DDX49: variants seen among roughly 807,000 people sequenced by gnomAD.
DDX49 encodes DEAD-box helicase 49.
Under a neutral mutation model 56.3 loss-of-function variants are expected in DDX49, and 50 were observed. That is an observed-to-expected ratio of 0.89 (90% CI 0.71 to 1.12). The LOEUF is 1.12. Among genes scored for constraint, DDX49 ranks in the 50% most tolerant of loss-of-function variants. DDX49 has a pLI of 0.00. For missense variants in DDX49, 614 were observed against 650.5 expected (o/e 0.94, Z 0.61); for synonymous variants, 269 against 270.6 (o/e 0.99, Z 0.06).
In DDX49 at chr19:18,922,430, G is replaced by A. The variant is rs569034161; in HGVS notation, c.552G>A (p.Leu184=). 2.1e-5 allele frequency: 33 copies of A among 1,607,510 alleles called. No homozygotes were observed. Among genetic ancestry groups the A allele is most frequent in the African/African-American group, 1.9e-4 (14 of 75,048 alleles). The change falls in exon 5 of 13, where the codon CTG becomes CTA. Residue 184 remains leucine (L), a synonymous_variant. Transcript: ENST00000247003. ...TGCCGGCCCGCAGGCAGACACTGCTGTTCAGCGCCACGCTGACCGACACAC... is the reference window on the plus strand; with the variant it reads ...TGCCGGCCCGCAGGCAGACACTGCTATTCAGCGCCACGCTGACCGACACAC... ...AAVPARRQTL[L]FSATLTDTLR...
At chr19:18,926,977 G>A (rs780700334) in intron 10 of DDX49, among the ~76,000 whole-genome samples, 1 of 150,998 alleles carries the variant, frequency 6.6e-6, no homozygotes, top group Non-Finnish European at 1.5e-5. Context: ...GGAGGGTGAG[G>A]CATGAGAATT....
Position 18,928,219 on chromosome 19 carries a change from A to T in DDX49, c.1355A>T (p.Lys452Met). 6.3e-7 allele frequency: 1 copy of T among 1,587,358 alleles called. No individual in the cohort carries two copies. The highest frequency in any genetic ancestry group is 8.6e-7 in the Non-Finnish European group (1 of 1,166,900). Residue 452 changes from lysine (K) to methionine (M), a missense_variant, in exon 13 of 13, where the codon AAG becomes ATG. By Grantham distance (95) the Lys-to-Met change is moderately conservative. Coordinates refer to ENST00000247003, the MANE Select transcript of DDX49 (RefSeq NM_019070.5). ...RFKEKVEETL[K>M]RQKAGRAGHK... is the part of the protein sequence containing the mutation. ...AAGGAGAAGGTGGAGGAGACGCTGA[A>T]GCGACAGAAGGCTGGCAGGGCTGGC...
chr19:18,925,057 G>A, intron 9 of DDX49, 78 bp downstream of exon 9: 1 of 1,511,780 alleles, frequency 6.6e-7, no homozygotes, highest in Non-Finnish European at 8.8e-7. Context: ...GGTAGGACGT[G>A]GGTAGGGTGC....
rs1303866360 is a variant in DDX49, at chr19:18,922,835, A to G, written c.776+91A>G. 2.0e-6 allele frequency: 3 copies of G among 1,493,668 alleles called. No individual in the cohort carries two copies. In the Admixed American group the frequency reaches 5.3e-5, roughly 26 times the overall value. 92.5% of individuals were successfully genotyped at this position (1,493,668 alleles called of 1,614,324 possible). A position where few individuals can be genotyped will look rare whatever the true frequency, so the allele number is the denominator to read the frequency against. ...TCTGGGACACACAGCCAGTCTCAGC[A>G]CTCCCCAGCCTCTGCTCAGCCTGGA... is the stretch of plus-strand genomic sequence containing the variant. On this transcript the variant is annotated intron_variant, in intron 6 of 12. Transcript: ENST00000247003.
intron 1 of DDX49, 80 bp downstream of exon 1, chr19:18,919,936 T>A: frequency 8.5e-7 from 1 of 1,174,758 alleles, no homozygotes. Flanking sequence ...CTTTGCTTAT[T>A]CCGGTCCCAC....
intron 6 of DDX49, 69 bp downstream of exon 6, chr19:18,922,813 G>C: frequency 6.4e-7 from 1 of 1,561,614 alleles, no homozygotes; most frequent in Non-Finnish European, 8.7e-7. Flanking sequence ...TCTTTGGTCT[G>C]GGACACACAG....
rs776765244 is a variant in DDX49 at position 18,928,021 on chromosome 19, G to A, written c.1248G>A (p.Leu416=). 4 of 1,613,776 alleles carry A rather than the reference G, an allele frequency of 2.5e-6. No homozygotes were observed. The South Asian group carries it at 4.4e-5, about 18-fold the overall frequency. Residue 416 remains leucine (L), a synonymous_variant, in exon 12 of 13, where the codon CTG becomes CTA. Transcript: ENST00000247003. ...EKKEINKRKQ[L]ILEGKDPDLE... ...AGGAGATCAACAAACGGAAGCAGCT[G>A]ATCCTGGAGGGGAAGGTGAGGGCCG...
intron 9 of DDX49, 189 bp downstream of exon 9, chr19:18,925,168 A>G: frequency 1.1e-6 from 1 of 877,778 alleles, no homozygotes; most frequent in African/African-American, 1.7e-5. Context: ...CTGAGGCAAG[A>G]AGATCACTTG....
chr19:18,924,514 C>T, intron 7 of DDX49, 109 bp from the exon 8 acceptor site: 2 of 1,310,540 alleles, frequency 1.5e-6, no homozygotes, highest in Non-Finnish European at 1.1e-6. Context: ...TCATGGCCAC[C>T]TTCCTCAATG....
chr19:18,924,308 G>A lies in DDX49; in HGVS notation c.852G>A (p.Gln284=). The A allele has an allele frequency of 1.2e-6, 2 of 1,612,488 alleles. No individual in the cohort carries two copies. The highest frequency in any genetic ancestry group is 8.5e-7 in the Non-Finnish European group (1 of 1,179,710). Reference sequence around the variant, plus strand: ...TGGCTCTGCACTCCATGATGAAGCAGGTGAGGCCACCCTGGGGCCCGCCAG... The same window carrying A: ...TGGCTCTGCACTCCATGATGAAGCAAGTGAGGCCACCCTGGGGCCCGCCAG... ...PTVALHSMMK[Q]KERFAALAKF... The change falls in exon 7 of 13, where the codon CAG becomes CAA. Residue 284 remains glutamine, a splice_region_variant and synonymous_variant. Transcript: ENST00000247003.
Position 18,924,240 on chromosome 19 carries a change from C to G in DDX49, c.784C>G (p.Gln262Glu). 6.2e-7 allele frequency: 1 copy of G among 1,614,000 alleles called. No individual in the cohort carries two copies. The highest frequency in any genetic ancestry group is 8.5e-7 in the Non-Finnish European group (1 of 1,180,018). ...GCACATCCTTCCCGCCAGGACCTGC[C>G]AGATTCTGTGCATGATGCTGCGCAA... is the stretch of plus-strand genomic sequence containing the variant. ...IIFTNTCKTC[Q>E]ILCMMLRKFS... is the part of the protein sequence containing the mutation. Residue 262 changes from glutamine to glutamate, a missense_variant, in exon 7 of 13, where the codon CAG becomes GAG. By Grantham distance (29) the Gln-to-Glu change is conservative. Transcript: ENST00000247003.
Position 18,928,549 on chromosome 19 carries a change from G to A in DDX49, c.*233G>A, listed in dbSNP as rs2056985017. 1 of 532,192 alleles carries A rather than the reference G, an allele frequency of 1.9e-6. No individual in the cohort carries two copies. The highest frequency in any genetic ancestry group is 3.3e-6 in the Non-Finnish European group (1 of 306,046). The allele number at this position is 532,192 out of a possible 1,614,324, so 33.0% of individuals were successfully genotyped here. ...AGGGGAAGAAAGAACATGACCGGGA[G>A]GTTGTGACCCCAACCCAAGGTCACC... On this transcript the variant is annotated 3_prime_UTR_variant, in exon 13 of 13. Coordinates refer to ENST00000247003, the MANE Select transcript of DDX49 (RefSeq NM_019070.5).
chr19:18,920,611 C>A lies in DDX49; in HGVS notation c.147C>A (p.Gly49=). The A allele has an allele frequency of 6.2e-7, 1 of 1,610,660 alleles. No individual in the cohort carries two copies. Among genetic ancestry groups the A allele is most frequent in the Non-Finnish European group, 8.5e-7 (1 of 1,177,100 alleles). The part of the protein sequence containing the change: ...GRDCLGCAKT[G]SGKTAAFVLP... ...ACTGCTTGGGCTGTGCTAAGACAGG[C>A]AGTGGGAAGACAGCAGCGTTTGTCC... Residue 49 remains glycine, a synonymous_variant, in exon 2 of 13, where the codon GGC becomes GGA. Transcript: ENST00000247003.
At chr19:18,920,881 C>G (rs906854580) in intron 2 of DDX49, 178 bp downstream of exon 2, 12 of 528,632 alleles carry the variant, frequency 2.3e-5, no homozygotes, top group Non-Finnish European at 3.8e-5. Context: ...TGGCTCACAC[C>G]TGTAATCCCA....
At chr19:18,925,566 ATAAAC>A (rs1191466093) in intron 9 of DDX49, among the ~76,000 whole-genome samples, 1 of 152,226 alleles carries the variant, frequency 6.6e-6, no homozygotes, top group African/African-American at 2.4e-5. Context: ...AAAAATAATA[ATAAAC>A]TAAAATAAGT....
rs776563172 is a variant in DDX49 at position 18,919,871 on chromosome 19, G to A, written c.115+15G>A. The stretch of plus-strand genomic sequence containing the variant: ...CATCCTGGAGGGTGAGTATGGCCCA[G>A]GGCCTTCCCCAAGAGGCCTCTCCGC... On this transcript the variant is annotated intron_variant, in intron 1 of 12. Transcript: ENST00000247003. 63 of 1,559,430 alleles carry A rather than the reference G, an allele frequency of 4.0e-5. No homozygotes were observed. Among genetic ancestry groups the A allele is most frequent in the Non-Finnish European group, 5.4e-5 (61 of 1,140,122 alleles).
At chr19:18,924,057 C>T (rs930086770) in intron 6 of DDX49, among the ~76,000 whole-genome samples, 176 bp from the exon 7 acceptor site, 26 of 152,122 alleles carry the variant, frequency 1.7e-4, no homozygotes, top group Admixed American at 1.7e-3. Context: ...ATCCACCCGC[C>T]TCAGTCTCCC....
At position 18,924,991 on chromosome 19, in the gene DDX49, A is replaced by C. The variant is rs1313646757; in HGVS notation, c.1027+12A>C. 2.5e-6 allele frequency: 4 copies of C among 1,608,170 alleles called. No homozygotes were observed. The highest frequency in any genetic ancestry group is 1.1e-5 in the South Asian group (1 of 91,006). On this transcript the variant is annotated intron_variant, in intron 9 of 12. Transcript: ENST00000247003. ...GACGGCCCGTGCAGGTGAGCAGTGG[A>C]GGGGGAGGCCGAGCCTTGGGCCTCT...
rs752301879 is a variant in DDX49 at position 18,928,048 on chromosome 19, G to A, written c.1263+12G>A. The A allele has an allele frequency of 1.9e-6, 3 of 1,613,662 alleles. No individual in the cohort carries two copies. The highest frequency in any genetic ancestry group is 2.2e-5 in the East Asian group (1 of 44,804). ...TCCTGGAGGGGAAGGTGAGGGCCGA[G>A]CCCGCAGGTAGGGGGTGGGTGGCCA... On this transcript the variant is annotated intron_variant, in intron 12 of 12. Transcript: ENST00000247003.
Sources: gnomAD v4.1 joint callset for allele counts (sites outside exome capture counted in the v4.1 genomes callset) on GRCh38, gnomAD v4.1.1 for gene constraint, MANE v1.5 for transcripts, NCBI Gene and HGNC (gene_info 2026-07-23, HGNC 2026-07-21) for gene names.